TMEM132E: variants seen among roughly 807,000 people sequenced by gnomAD.
The protein encoded by TMEM132E is transmembrane protein 132E.
TMEM132E carries 49 observed loss-of-function variants against 78.5 expected under a neutral mutation model. The ratio of observed to expected loss-of-function variants is 0.62; its 90% CI spans 0.50 to 0.79. The LOEUF is 0.79. Ranked by LOEUF, TMEM132E falls within the 30% of genes least tolerant of loss-of-function variation. The pLI, the probability that TMEM132E is intolerant of heterozygous loss-of-function variation, is 0.00. For synonymous variants in TMEM132E, 715 were observed against 670.6 expected (o/e 1.07, Z -1.02); for missense variants, 1,403 against 1,470.9 (o/e 0.95, Z 0.75).
rs748901233 is a variant in TMEM132E at position 34,636,010 on chromosome 17, G to C, written c.1981G>C (p.Val661Leu). The change falls in exon 8 of 9, where the codon GTG becomes CTG. Residue 661 changes from valine to leucine, a missense_variant. Physicochemically the swap from Val to Leu is conservative, Grantham distance 32 (BLOSUM62 1). Around this residue, in one of 3 missense-constraint regions of TMEM132E, gnomAD observed 888 missense variants for 952.8 expected, o/e 0.93. Transcript: ENST00000631683. Reference sequence around the variant, plus strand: ...CCCCGGTCCCGCTCTGCCTCAGGTGGTGTCTCCGCTGACGGAGGCTGTGCT... The same window carrying C: ...CCCCGGTCCCGCTCTGCCTCAGGTGCTGTCTCCGCTGACGGAGGCTGTGCT... ...LEPGTTPFKV[V>L]SPLTEAVLGE... 3 of 1,480,796 alleles carry C rather than the reference G, an allele frequency of 2.0e-6. No individual in the cohort carries two copies. In the South Asian group the frequency reaches 4.2e-5, roughly 21 times the overall value. The allele number at this position is 1,480,796 out of a possible 1,614,324, so 91.7% of individuals were successfully genotyped here. A position where few individuals can be genotyped will look rare whatever the true frequency, so the allele number is the denominator to read the frequency against.
At chr17:34,587,535 C>G (rs1905720175) in intron 1 of TMEM132E, among the ~76,000 whole-genome samples, 2 of 152,140 alleles carry the variant, frequency 1.3e-5, no homozygotes, top group Non-Finnish European at 2.9e-5. Flanking sequence ...GACCACTTTG[C>G]CCAGAGACTG....
chr17:34,582,005 T>A (rs1905503467), intron 1 of TMEM132E, among the ~76,000 whole-genome samples: 1 of 146,742 alleles, frequency 6.8e-6, no homozygotes, highest in Non-Finnish European at 1.5e-5. Context: ...TTCCGCAAGC[T>A]GGAGACGCTC....
chr17:34,582,267 G>T (rs973236199), intron 1 of TMEM132E, among the ~76,000 whole-genome samples: 1 of 152,086 alleles, frequency 6.6e-6, no homozygotes, highest in African/African-American at 2.4e-5. Context: ...AGCGCCCTCG[G>T]TGTGCCGGGC....
At chr17:34,603,254 T>G (rs1172773882) in intron 1 of TMEM132E, among the ~76,000 whole-genome samples, 1 of 151,996 alleles carries the variant, frequency 6.6e-6, no homozygotes, top group African/African-American at 2.4e-5. Context: ...AACCTCAGAT[T>G]CCTCCACTGC....
chr17:34,622,236 C>T (rs551313165), intron 1 of TMEM132E, among the ~76,000 whole-genome samples: 2 of 152,350 alleles, frequency 1.3e-5, no homozygotes, highest in African/African-American at 4.8e-5. Context: ...CCAGGGCCTT[C>T]TCCACCTCCC....
chr17:34,581,932 G>A (rs1274011813), intron 1 of TMEM132E, among the ~76,000 whole-genome samples: 1 of 152,110 alleles, frequency 6.6e-6, no homozygotes, highest in East Asian at 1.9e-4. Flanking sequence ...GGGGGGCAGC[G>A]GGTTTTTGAA....
intron 1 of TMEM132E, among the ~76,000 whole-genome samples, chr17:34,597,833 C>A (rs756817648): frequency 3.3e-5 from 5 of 152,186 alleles, no homozygotes; most frequent in Non-Finnish European, 5.9e-5. Context: ...CCATGGAGAT[C>A]TGCCATCTCC....
chr17:34,598,423 T>C (rs537172517), intron 1 of TMEM132E, among the ~76,000 whole-genome samples: 1 of 152,190 alleles, frequency 6.6e-6, no homozygotes, highest in Non-Finnish European at 1.5e-5. Context: ...TGCTTTCTGG[T>C]GGGGGTGAAG....
chr17:34,611,742 C>G (rs1003688514), intron 1 of TMEM132E, among the ~76,000 whole-genome samples: 9 of 152,144 alleles, frequency 5.9e-5, no homozygotes, highest in African/African-American at 2.2e-4. Flanking sequence ...TTGTTAGCTC[C>G]ATTTTGTAGA....
At chr17:34,585,856 GA>G (rs1905654935) in intron 1 of TMEM132E, among the ~76,000 whole-genome samples, 1 of 152,204 alleles carries the variant, frequency 6.6e-6, no homozygotes, top group South Asian at 2.1e-4. Context: ...CAACTGGGGG[GA>G]ATGAGACAAA....
At chr17:34,635,965 G>C (rs1461487009) in intron 7 of TMEM132E, 42 bp from the exon 8 acceptor site, 19 of 1,348,406 alleles carry the variant, frequency 1.4e-5, no homozygotes, top group Non-Finnish European at 1.8e-5. Flanking sequence ...AGGGGGGTGT[G>C]CTTTCCTGGT....
At chr17:34,583,577 G>T (rs918371672) in intron 1 of TMEM132E, among the ~76,000 whole-genome samples, 2 of 152,216 alleles carry the variant, frequency 1.3e-5, no homozygotes, top group African/African-American at 4.8e-5. Context: ...CTCTTGGTTG[G>T]GGTTCCGGGG....
intron 7 of TMEM132E, 146 bp downstream of exon 7, chr17:34,635,233 C>T: frequency 1.1e-6 from 1 of 951,396 alleles, no homozygotes; most frequent in Middle Eastern, 3.4e-4. Context: ...CAAGGTCAGG[C>T]TCTTTTAGCT....
At chr17:34,621,693 G>C (rs1381327910) in intron 1 of TMEM132E, among the ~76,000 whole-genome samples, 3 of 152,174 alleles carry the variant, frequency 2.0e-5, no homozygotes, top group Admixed American at 1.3e-4. Context: ...CTGGTCTGCA[G>C]GGCAAGCTGG....
intron 1 of TMEM132E, among the ~76,000 whole-genome samples, chr17:34,605,464 C>A (rs915607246): frequency 6.6e-6 from 1 of 152,116 alleles, no homozygotes; most frequent in African/African-American, 2.4e-5. Context: ...CCAAGTACCC[C>A]CAGCATCACA....
chr17:34,620,347 C>T (rs1443727827), intron 1 of TMEM132E, among the ~76,000 whole-genome samples: 1 of 152,250 alleles, frequency 6.6e-6, no homozygotes, highest in Non-Finnish European at 1.5e-5. Context: ...AAGACACCAA[C>T]TGTTCTATAG....
chr17:34,584,882 G>A (rs1905612673), intron 1 of TMEM132E, among the ~76,000 whole-genome samples: 2 of 152,158 alleles, frequency 1.3e-5, no homozygotes, highest in Admixed American at 1.3e-4. Flanking sequence ...TGAATACATG[G>A]TCTCAAAACG....
In TMEM132E at chr17:34,632,763, C is replaced by T. The variant is rs202204651; in HGVS notation, c.1542C>T (p.Asn514=). The T allele has an allele frequency of 8.7e-5, 140 of 1,614,182 alleles. No individual in the cohort carries two copies. The Admixed American group carries it at 9.7e-4, about 11-fold the overall frequency. ...GAAAAGAGTCTCGAGGGTCCATGAACGCCAGGGTCACCTTCCGCTACGACG... is the reference window on the plus strand; with the variant it reads ...GAAAAGAGTCTCGAGGGTCCATGAATGCCAGGGTCACCTTCCGCTACGACG... ...VSGKESRGSM[N]ARVTFRYDVL... is the part of the protein sequence containing the mutation. Residue 514 remains asparagine (N), a synonymous_variant, in exon 6 of 9, where the codon AAC becomes AAT. Coordinates refer to ENST00000631683, the MANE Select transcript of TMEM132E (RefSeq NM_001304438.2).
chr17:34,611,226 G>A (rs1026761387), intron 1 of TMEM132E, among the ~76,000 whole-genome samples: 1 of 152,254 alleles, frequency 6.6e-6, no homozygotes, highest in Non-Finnish European at 1.5e-5. Flanking sequence ...TGGGGGTGTG[G>A]GTTGGGGAGT....
Sources: allele counts gnomAD v4.1 joint callset (sites outside exome capture counted in the v4.1 genomes callset), GRCh38; gene constraint gnomAD v4.1.1; regional missense constraint gnomAD v4.1.1; transcripts MANE v1.5; gene names NCBI Gene and HGNC (gene_info 2026-07-23, HGNC 2026-07-21).